STPG2: variants seen among roughly 807,000 people sequenced by gnomAD.
The protein encoded by STPG2 is sperm-tail PG-rich repeat-containing protein 2.
STPG2 carries 56 observed loss-of-function variants against 54.2 expected under a neutral mutation model. The observed-to-expected ratio is 1.03, with a 90% CI of 0.83 to 1.29. The LOEUF (loss-of-function observed/expected upper bound fraction) is 1.29. STPG2 is among the 50% of genes most tolerant of loss of function. The probability of loss-of-function intolerance (pLI) is 0.00; values close to 1 mark genes in which losing one functional copy is unlikely to be tolerated. For missense variants in STPG2, 596 were observed against 544.9 expected, an observed-to-expected ratio of 1.09 and a Z score of -0.93; for synonymous variants, 200 against 181.8, an observed-to-expected ratio of 1.10 and a Z score of -0.81.
chr4:97,986,648 CTTAATAGAAAATGT>C (rs1302131720), intron 5 of STPG2, among the ~76,000 whole-genome samples: 1 of 152,114 alleles, frequency 6.6e-6, no homozygotes, highest in Non-Finnish European at 1.5e-5. Context: ...TGCAAATTTG[CTTAATAGAAAATGT>C]TTAATAGATG....
At chr4:98,105,188 A>C (rs932876147) in intron 5 of STPG2, among the ~76,000 whole-genome samples, 3 of 152,168 alleles carry the variant, frequency 2.0e-5, no homozygotes, top group African/African-American at 7.2e-5. Context: ...GCATCCCTGG[A>C]GTCTCCCTAA....
intron 9 of STPG2, among the ~76,000 whole-genome samples, chr4:97,771,229 G>T (rs1212021971): frequency 6.6e-6 from 1 of 152,094 alleles, no homozygotes; most frequent in Admixed American, 6.6e-5. Context: ...CAATCCAGAG[G>T]GATAGGAAGC....
At chr4:97,913,768 A>G (rs1022650502) in intron 8 of STPG2, among the ~76,000 whole-genome samples, 11 of 152,170 alleles carry the variant, frequency 7.2e-5, no homozygotes, top group African/African-American at 2.7e-4. Flanking sequence ...TTTCTAGTGC[A>G]TACATAAACC....
At chr4:97,542,541 C>T (rs925517400) in intron 4 of STPG2, among the ~76,000 whole-genome samples, 1 of 152,128 alleles carries the variant, frequency 6.6e-6, no homozygotes, top group Non-Finnish European at 1.5e-5. Context: ...ACTAGTTCAA[C>T]CATTATGGAA....
intron 8 of STPG2, among the ~76,000 whole-genome samples, chr4:97,907,371 T>C (rs1232952943): frequency 3.3e-5 from 5 of 152,076 alleles, no homozygotes; most frequent in Non-Finnish European, 7.4e-5. Flanking sequence ...TAAAAGAAGA[T>C]ACAAACAAAT....
At chr4:97,707,350 T>C (rs1267591625) in intron 10 of STPG2, among the ~76,000 whole-genome samples, 2 of 151,940 alleles carry the variant, frequency 1.3e-5, no homozygotes, top group African/African-American at 4.8e-5. Context: ...CAAAACCCCA[T>C]CTCTGCAAAA....
At chr4:97,969,111 C>G (rs1734225154) in intron 7 of STPG2, among the ~76,000 whole-genome samples, 1 of 152,200 alleles carries the variant, frequency 6.6e-6, no homozygotes, top group African/African-American at 2.4e-5. Flanking sequence ...AGGGTTAAGA[C>G]ATACTCCCTT....
At chr4:97,989,168 T>C (rs2149268085) in intron 5 of STPG2, among the ~76,000 whole-genome samples, 1 of 152,220 alleles carries the variant, frequency 6.6e-6, no homozygotes, top group East Asian at 1.9e-4. Context: ...ATTTTTTTTA[T>C]CTATCAACTT....
intron 5 of STPG2, among the ~76,000 whole-genome samples, chr4:98,100,743 TCGG>T (rs1490205112): frequency 6.8e-6 from 1 of 146,246 alleles, no homozygotes. Flanking sequence ...TGGTGCAATC[TCGG>T]CTCACTGCAA....
chr4:97,613,467 T>A (rs1733780209), intron 10 of STPG2, among the ~76,000 whole-genome samples: 1 of 148,620 alleles, frequency 6.7e-6, no homozygotes, highest in African/African-American at 2.5e-5. Context: ...CACTGTCTAG[T>A]CATCACCCGT....
chr4:97,599,651 GTC>G (rs2148905171), intron 10 of STPG2, among the ~76,000 whole-genome samples: 1 of 151,966 alleles, frequency 6.6e-6, no homozygotes, highest in East Asian at 1.9e-4. Flanking sequence ...GTGAAACCCC[GTC>G]TCTACTAAAG....
chr4:97,941,305 A>T (rs1427246112), intron 8 of STPG2, among the ~76,000 whole-genome samples: 1 of 152,084 alleles, frequency 6.6e-6, no homozygotes, highest in Non-Finnish European at 1.5e-5. Context: ...AGGTATTTTT[A>T]TATTTATCCT....
At chr4:98,092,676 A>G (rs944931362) in intron 5 of STPG2, among the ~76,000 whole-genome samples, 1 of 152,066 alleles carries the variant, frequency 6.6e-6, no homozygotes. Flanking sequence ...TTTAAGATCT[A>G]TATTAGTAAA....
intron 8 of STPG2, among the ~76,000 whole-genome samples, chr4:97,845,385 T>A (rs1359140757): frequency 6.6e-6 from 1 of 152,126 alleles, no homozygotes; most frequent in African/African-American, 2.4e-5. Flanking sequence ...CATTATAAGG[T>A]GGTTTATTCT....
chr4:97,543,339 C>A (rs59082719), intron 4 of STPG2, among the ~76,000 whole-genome samples: 2,608 of 151,724 alleles, frequency 0.017, 68 homozygotes, highest in African/African-American at 0.058. Flanking sequence ...TTTAGAAATA[C>A]GCTTATGAAA....
At chr4:97,765,189 T>C (rs1475558781) in intron 9 of STPG2, among the ~76,000 whole-genome samples, 1 of 152,144 alleles carries the variant, frequency 6.6e-6, no homozygotes, top group African/African-American at 2.4e-5. Context: ...TTGGACTGAA[T>C]AATGCAGAAT....
chr4:97,640,745 T>C (rs1721740548), intron 10 of STPG2, among the ~76,000 whole-genome samples: 1 of 151,328 alleles, frequency 6.6e-6, no homozygotes, highest in African/African-American at 2.4e-5. Flanking sequence ...ACATATAAAA[T>C]TGTTAAACTT....
chr4:97,576,262 T>C (rs1413267602), intron 10 of STPG2, among the ~76,000 whole-genome samples: 1 of 145,268 alleles, frequency 6.9e-6, no homozygotes, highest in African/African-American at 2.6e-5. Flanking sequence ...AAAAAAACTA[T>C]ACTAATATAT....
chr4:97,904,767 C>T lies in STPG2; in HGVS notation c.1044+39130G>A, dbSNP rs1023330245. ...CAATACAGAGAAGTGCCTAAAGGAG[C>T]TGATGGAGCTGAAAACCAAGGCTTG... On this transcript the variant is annotated intron_variant, in intron 8 of 10. Transcript: ENST00000295268. Among the ~76,000 whole-genome samples the T allele has an allele frequency of 3.9e-5, 6 of 152,116 alleles. No individual in the cohort carries two copies. The South Asian group carries it at 8.3e-4, about 21-fold the overall frequency.
Sources: gnomAD v4.1 joint callset for allele counts (sites outside exome capture counted in the v4.1 genomes callset) on GRCh38, gnomAD v4.1.1 for gene constraint, MANE v1.5 for transcripts, NCBI Gene and HGNC (gene_info 2026-07-23, HGNC 2026-07-21) for gene names.